PPP1R16B: variants seen among roughly 807,000 people sequenced by gnomAD.
The protein encoded by PPP1R16B is protein phosphatase 1 regulatory subunit 16B.
Under a neutral mutation model 61.7 loss-of-function variants are expected in PPP1R16B, and 14 were observed. The observed-to-expected ratio is 0.23, with a 90% CI of 0.15 to 0.35. The LOEUF is 0.35. Ranked by LOEUF, PPP1R16B falls within the 10% of genes least tolerant of loss-of-function variation. PPP1R16B has a pLI of 1.00. For missense variants in PPP1R16B, 547 were observed against 752.5 expected (o/e 0.73, Z 3.19); for synonymous variants, 266 against 305.3 (o/e 0.87, Z 1.34).
intron 1 of PPP1R16B, among the ~76,000 whole-genome samples, chr20:38,821,232 A>T (rs1187823516): frequency 6.6e-6 from 1 of 152,046 alleles, no homozygotes; most frequent in African/African-American, 2.4e-5. Flanking sequence ...CTCCCCATGG[A>T]CTCCCTGTGA....
At chr20:38,886,813 G>A (rs1252996398) in intron 2 of PPP1R16B, among the ~76,000 whole-genome samples, 1 of 152,250 alleles carries the variant, frequency 6.6e-6, no homozygotes, top group Non-Finnish European at 1.5e-5. Flanking sequence ...CAAGGTCCTA[G>A]AGGAGTTCTT....
chr20:38,845,142 C>T (rs1353986709), intron 2 of PPP1R16B, among the ~76,000 whole-genome samples: 1 of 152,058 alleles, frequency 6.6e-6, no homozygotes, highest in African/African-American at 2.4e-5. Context: ...TGCAAGGAAG[C>T]CTTTGATGTA....
At chr20:38,811,906 T>G (rs940755148) in intron 1 of PPP1R16B, among the ~76,000 whole-genome samples, 28 of 152,134 alleles carry the variant, frequency 1.8e-4, no homozygotes, top group African/African-American at 6.8e-4. Context: ...CCCCATAAGG[T>G]CCGTGACTGT....
chr20:38,832,484 C>T (rs1386584286), intron 1 of PPP1R16B, among the ~76,000 whole-genome samples: 2 of 152,060 alleles, frequency 1.3e-5, no homozygotes, highest in Non-Finnish European at 2.9e-5. Context: ...AAAAAGCAAC[C>T]AAAACATCTA....
intron 2 of PPP1R16B, among the ~76,000 whole-genome samples, chr20:38,837,542 T>C (rs1010986861): frequency 8.3e-4 from 126 of 151,602 alleles, no homozygotes; most frequent in African/African-American, 2.9e-3. Context: ...TTTCTTTTTT[T>C]TTTTTCTTTT....
In PPP1R16B at chr20:38,906,967, C is replaced by T. The variant is rs759397439; in HGVS notation, c.823-12C>T. 3 of 1,612,774 alleles carry T rather than the reference C, an allele frequency of 1.9e-6. No individual in the cohort carries two copies. The highest frequency in any genetic ancestry group is 3.3e-5 in the Admixed American group (2 of 59,980). ...GGGCAGGGGGACACATGAGCTTCTT[C>T]CTGTGTTTCAGATGCAGATGGCAGA... is the stretch of plus-strand genomic sequence containing the variant. On this transcript the variant is annotated splice_polypyrimidine_tract_variant and intron_variant, in intron 7 of 10. Transcript: ENST00000299824.
chr20:38,868,261 C>G (rs1261181083), intron 2 of PPP1R16B, among the ~76,000 whole-genome samples: 1 of 152,204 alleles, frequency 6.6e-6, no homozygotes, highest in Non-Finnish European at 1.5e-5. Context: ...ACCTCAGGAC[C>G]CCATGGCCCA....
At chr20:38,887,280 C>T (rs1312609061) in intron 2 of PPP1R16B, among the ~76,000 whole-genome samples, 4 of 152,152 alleles carry the variant, frequency 2.6e-5, no homozygotes, top group African/African-American at 9.7e-5. Context: ...GTGAGGTTAG[C>T]AGGTAGGATG....
chr20:38,817,521 C>A (rs2084743990), intron 1 of PPP1R16B, among the ~76,000 whole-genome samples: 1 of 147,214 alleles, frequency 6.8e-6, no homozygotes, highest in Non-Finnish European at 1.5e-5. Context: ...GCAGAGATCG[C>A]ACCACTGCAC....
intron 2 of PPP1R16B, among the ~76,000 whole-genome samples, chr20:38,840,520 C>G (rs532096026): frequency 3.9e-5 from 6 of 152,306 alleles, no homozygotes; most frequent in Middle Eastern, 6.8e-3. Flanking sequence ...ATATTCCCTG[C>G]GTTATCTTAC....
intron 2 of PPP1R16B, among the ~76,000 whole-genome samples, chr20:38,874,070 C>T (rs2145747235): frequency 6.6e-6 from 1 of 152,262 alleles, no homozygotes; most frequent in Admixed American, 6.5e-5. Flanking sequence ...AAGGCACACT[C>T]CATCCTATTG....
At position 38,880,702 on chromosome 20, in the gene PPP1R16B, T is replaced by C. The variant is rs76050103; in HGVS notation, c.251-8893T>C. Among the ~76,000 whole-genome samples the C allele has an allele frequency of 3.7e-3, 560 of 152,348 alleles. 26 individuals are homozygous for C. In the East Asian group the frequency reaches 0.075, roughly 20 times the overall value. On this transcript the variant is annotated intron_variant, in intron 2 of 10. Transcript: ENST00000299824. ...AATACTATTCCATTGTATGGAATTT[T>C]GTTTATCTATTCATTAGTTGATGGA...
intron 5 of PPP1R16B, among the ~76,000 whole-genome samples, chr20:38,901,990 C>T (rs558253321): frequency 6.6e-6 from 1 of 152,300 alleles, no homozygotes; most frequent in Middle Eastern, 3.4e-3. Flanking sequence ...TTTATTTCCT[C>T]CTTTTGTAGA....
At chr20:38,902,607 C>A in intron 5 of PPP1R16B, 61 bp from the exon 6 acceptor site, 1 of 1,607,468 alleles carries the variant, frequency 6.2e-7, no homozygotes, top group Non-Finnish European at 8.5e-7. Flanking sequence ...ATCTGCCTTC[C>A]CCTGCCCTCT....
intron 10 of PPP1R16B, among the ~76,000 whole-genome samples, chr20:38,912,644 C>A (rs1391380949): frequency 6.6e-6 from 1 of 151,672 alleles, no homozygotes; most frequent in Non-Finnish European, 1.5e-5. Context: ...CACTGAACTC[C>A]AGCCTGGGTG....
chr20:38,840,903 T>C (rs1031088415), intron 2 of PPP1R16B, among the ~76,000 whole-genome samples: 1 of 152,220 alleles, frequency 6.6e-6, no homozygotes, highest in Middle Eastern at 3.2e-3. Context: ...TGATAAATGT[T>C]GAAGTGGTAT....
chr20:38,895,480 C>T, intron 3 of PPP1R16B, 85 bp from the exon 4 acceptor site: 1 of 1,460,476 alleles, frequency 6.8e-7, no homozygotes, highest in Non-Finnish European at 9.4e-7. Flanking sequence ...CTCATGGCCT[C>T]TTGCGGGGAA....
intron 10 of PPP1R16B, among the ~76,000 whole-genome samples, chr20:38,916,964 C>T (rs929872693): frequency 1.3e-5 from 2 of 152,070 alleles, no homozygotes; most frequent in African/African-American, 2.4e-5. Context: ...ATATTAGTAT[C>T]CCCTGCCTAC....
At chr20:38,836,317 G>A in intron 2 of PPP1R16B, 142 bp downstream of exon 2, 2 of 1,240,546 alleles carry the variant, frequency 1.6e-6, no homozygotes, top group Non-Finnish European at 1.1e-6. Flanking sequence ...ATTCCTCTTA[G>A]GAAGTGGACG....
Sources: allele counts gnomAD v4.1 joint callset (sites outside exome capture counted in the v4.1 genomes callset), GRCh38; gene constraint gnomAD v4.1.1; transcripts MANE v1.5; gene names NCBI Gene and HGNC (gene_info 2026-07-23, HGNC 2026-07-21).